Variants in USP28 observed in about 807,000 individuals in gnomAD.
USP28 encodes the protein ubiquitin carboxyl-terminal hydrolase 28.
USP28 carries 113 observed loss-of-function variants against 145.0 expected under a neutral mutation model. The observed-to-expected ratio is 0.78, with a 90% CI of 0.67 to 0.91. USP28 has a LOEUF of 0.91. USP28 is among the 40% of genes least tolerant of loss of function. The probability of loss-of-function intolerance (pLI) is 0.00; values close to 1 mark genes in which losing one functional copy is unlikely to be tolerated. For missense variants in USP28, 1,201 were observed against 1,289.6 expected (o/e 0.93, Z 1.05); for synonymous variants, 447 against 450.9 (o/e 0.99, Z 0.11).
At chr11:113,810,941 C>G (rs541181498) in intron 16 of USP28, among the ~76,000 whole-genome samples, 89 of 152,352 alleles carry the variant, frequency 5.8e-4, no homozygotes, top group African/African-American at 2.1e-3. Context: ...TCCCAAAGTG[C>G]TGGGATTACA....
At chr11:113,871,319 G>T (rs1382979216) in intron 1 of USP28, among the ~76,000 whole-genome samples, 2 of 152,222 alleles carry the variant, frequency 1.3e-5, no homozygotes, top group African/African-American at 4.8e-5. Context: ...AGAAGACAGT[G>T]AAGGTGTCTG....
intron 1 of USP28, 80 bp downstream of exon 1, chr11:113,875,365 C>A: frequency 1.8e-6 from 2 of 1,112,176 alleles, no homozygotes; most frequent in Non-Finnish European, 2.2e-6. Flanking sequence ...AGCCCGCAAC[C>A]CGCAGCCCTG....
intron 1 of USP28, among the ~76,000 whole-genome samples, chr11:113,872,617 G>A (rs569078574): frequency 3.0e-4 from 45 of 152,200 alleles, no homozygotes; most frequent in African/African-American, 1.1e-3. Flanking sequence ...AATAAATCAA[G>A]AGAAAGCAAA....
At chr11:113,863,523 T>A (rs1565501398) in intron 1 of USP28, among the ~76,000 whole-genome samples, 1 of 151,838 alleles carries the variant, frequency 6.6e-6, no homozygotes, top group Non-Finnish European at 1.5e-5. Context: ...CGCGTGCCTG[T>A]AGTCCCAGCT....
At chr11:113,867,336 C>T (rs577209419) in intron 1 of USP28, among the ~76,000 whole-genome samples, 4 of 152,078 alleles carry the variant, frequency 2.6e-5, no homozygotes, top group Admixed American at 1.3e-4. Flanking sequence ...GCATGATCTC[C>T]GCTCACTGCA....
At position 113,812,785 on chromosome 11, in the gene USP28, T is replaced by C. The variant is rs372212931; in HGVS notation, c.1744-281A>G. ...TAAAACCAAACATAACCTAAACATA[T>C]GCATCCTTCTAATTCAAAACTCTGT... On this transcript the variant is annotated intron_variant, in intron 15 of 24. Transcript: ENST00000003302. 9.2e-5 allele frequency among the ~76,000 whole-genome samples: 14 copies of C among 152,336 alleles called. No homozygotes were observed. In the East Asian group the frequency reaches 2.1e-3, roughly 23 times the overall value.
intron 4 of USP28, 80 bp from the exon 5 acceptor site, chr11:113,840,837 T>C: frequency 2.7e-6 from 4 of 1,476,928 alleles, no homozygotes; most frequent in Non-Finnish European, 1.8e-6. Flanking sequence ...CTATAACTTT[T>C]CGTGGATAAT....
At chr11:113,831,233 T>C (rs1943950487) in intron 8 of USP28, among the ~76,000 whole-genome samples, 1 of 152,220 alleles carries the variant, frequency 6.6e-6, no homozygotes, top group Non-Finnish European at 1.5e-5. Flanking sequence ...GCTTTCAGTA[T>C]ATACATCTAT....
intron 1 of USP28, chr11:113,875,011 T>A: frequency 1.4e-6 from 1 of 730,390 alleles, no homozygotes; most frequent in Non-Finnish European, 1.7e-6. Context: ...GGACTTTAAG[T>A]GAGATAACTT....
At chr11:113,826,536 C>A (rs7934737) in intron 11 of USP28, among the ~76,000 whole-genome samples, 1 of 151,294 alleles carries the variant, frequency 6.6e-6, no homozygotes, top group African/African-American at 2.4e-5. Context: ...TAAACTCCTG[C>A]GCTCAAGATA....
Position 113,850,544 on chromosome 11 carries a change from T to A in USP28, c.268+1957A>T, listed in dbSNP as rs190201338. Among the ~76,000 whole-genome samples the A allele has an allele frequency of 3.2e-4, 48 of 152,228 alleles. No homozygotes were observed. In the East Asian group the frequency reaches 9.1e-3, roughly 29 times the overall value. ...ATACTCACAGCAGCATCATCCAGAA[T>A]AGCTCAAAACTGTTAACGGCCCAAA... On this transcript the variant is annotated intron_variant, in intron 3 of 24. Transcript: ENST00000003302.
intron 1 of USP28, among the ~76,000 whole-genome samples, chr11:113,860,406 G>A (rs369207346): frequency 6.9e-6 from 1 of 145,194 alleles, no homozygotes; most frequent in East Asian, 2.0e-4. Flanking sequence ...GATCTGGTTC[G>A]CAATTATAAA....
chr11:113,856,815 C>G (rs575555287), intron 1 of USP28, among the ~76,000 whole-genome samples: 1 of 152,018 alleles, frequency 6.6e-6, no homozygotes, highest in Non-Finnish European at 1.5e-5. Context: ...CGGGTTCAAG[C>G]GATTCTCCTG....
At chr11:113,871,435 T>A (rs935451885) in intron 1 of USP28, among the ~76,000 whole-genome samples, 1 of 152,152 alleles carries the variant, frequency 6.6e-6, no homozygotes, top group Non-Finnish European at 1.5e-5. Flanking sequence ...AATTTACACA[T>A]AACTCTGTTT....
At chr11:113,831,514 TCA>T (rs1453221791) in intron 8 of USP28, among the ~76,000 whole-genome samples, 1 of 152,198 alleles carries the variant, frequency 6.6e-6, no homozygotes, top group East Asian at 1.9e-4. Context: ...TTCACTTCTC[TCA>T]GTGACTGAAA....
chr11:113,839,127 A>G (rs1038638159), intron 5 of USP28, among the ~76,000 whole-genome samples: 3 of 152,258 alleles, frequency 2.0e-5, no homozygotes, highest in African/African-American at 7.2e-5. Flanking sequence ...ACAGATTCAT[A>G]TAATTATCTG....
chr11:113,870,177 GA>G (rs996532980), intron 1 of USP28, among the ~76,000 whole-genome samples: 9 of 151,828 alleles, frequency 5.9e-5, no homozygotes, highest in Non-Finnish European at 8.8e-5. Context: ...AACAAAACAA[GA>G]AAAAAGTAAC....
At chr11:113,868,059 GTGCCA>G (rs1289775292) in intron 1 of USP28, among the ~76,000 whole-genome samples, 3 of 152,114 alleles carry the variant, frequency 2.0e-5, no homozygotes, top group African/African-American at 2.4e-5. Context: ...GCTGGAAATA[GTGCCA>G]TGCAGCCCAG....
At chr11:113,822,483 AG>A (rs1942767699) in intron 12 of USP28, 1 of 151,410 alleles carries the variant, frequency 6.6e-6, no homozygotes, top group South Asian at 2.1e-4. Context: ...AGAGAGAGAG[AG>A]AGAGAGAGAG....
Sources: allele counts gnomAD v4.1 joint callset (sites outside exome capture counted in the v4.1 genomes callset), GRCh38; gene constraint gnomAD v4.1.1; transcripts MANE v1.5; gene names NCBI Gene and HGNC (gene_info 2026-07-23, HGNC 2026-07-21).